The following ANK3 variants were observed in gnomAD, a reference collection of about 807,000 sequenced individuals.
ANK3 encodes the protein ankyrin-3.
In ANK3, 57 loss-of-function variants were observed where a neutral mutation model predicts 370.9. The ratio of observed to expected loss-of-function variants is 0.15; its 90% CI spans 0.12 to 0.19. The LOEUF (loss-of-function observed/expected upper bound fraction) is 0.19. ANK3 is among the 10% of genes least tolerant of loss of function. The pLI is 1.00. For missense variants in ANK3, 4,439 were observed against 5,302.1 expected, an observed-to-expected ratio of 0.84 and a Z score of 5.06; for synonymous variants, 1,929 against 1,946.3, an observed-to-expected ratio of 0.99 and a Z score of 0.23.
intron 36 of ANK3, among the ~76,000 whole-genome samples, chr10:60,079,035 T>TGA (rs2084478519): frequency 6.6e-6 from 1 of 152,144 alleles, no homozygotes; most frequent in Non-Finnish European, 1.5e-5. Flanking sequence ...GCTGGTCCAT[T>TGA]GAGCCTGTCC....
At chr10:60,727,070 G>C (rs1372239932) in intron 1 of ANK3, among the ~76,000 whole-genome samples, 2 of 152,022 alleles carry the variant, frequency 1.3e-5, no homozygotes, top group Non-Finnish European at 2.9e-5. Context: ...TTTTCTTACA[G>C]AGTTAAGTAC....
At chr10:60,532,472 T>G (rs1040104838) in intron 2 of ANK3, among the ~76,000 whole-genome samples, 5 of 150,136 alleles carry the variant, frequency 3.3e-5, no homozygotes, top group African/African-American at 1.2e-4. Flanking sequence ...AGTCCCAGGA[T>G]CAAGTTCACA....
At position 60,138,974 on chromosome 10, in the gene ANK3, G is replaced by A. The variant is rs746291751; in HGVS notation, c.2728C>T (p.Arg910Cys). The A allele has an allele frequency of 4.3e-6, 7 of 1,613,608 alleles. No individual in the cohort carries two copies. The highest frequency in any genetic ancestry group is 3.3e-5 in the South Asian group (3 of 91,048). Residue 910 changes from arginine to cysteine, a missense_variant, in exon 24 of 44, where the codon CGT becomes TGT. Coordinates refer to ENST00000280772, the MANE Select transcript of ANK3 (RefSeq NM_020987.5). Reference sequence around the variant, plus strand: ...GCAACAACGAAGTACCTGGCAGAACGCGCTCCGAGACTAAAGCCCATGTAA... The same window carrying A: ...GCAACAACGAAGTACCTGGCAGAACACGCTCCGAGACTAAAGCCCATGTAA... The part of the protein sequence containing the change: ...EGYMGFSLGA[R>C]SASLRSFSSD...
chr10:60,212,561 AC>A (rs1324344258), intron 9 of ANK3, among the ~76,000 whole-genome samples: 1 of 152,150 alleles, frequency 6.6e-6, no homozygotes, highest in Admixed American at 6.6e-5. Context: ...GTTAGACAAT[AC>A]CCTCAACAGC....
chr10:60,415,544 C>T (rs559436238), intron 2 of ANK3, among the ~76,000 whole-genome samples: 5 of 152,186 alleles, frequency 3.3e-5, no homozygotes, highest in African/African-American at 9.6e-5. Flanking sequence ...CACAAAACCT[C>T]GATGTTCCCA....
chr10:60,572,548 G>A (rs2077625149), intron 2 of ANK3: 1 of 1,534,052 alleles, frequency 6.5e-7, no homozygotes, highest in Non-Finnish European at 8.7e-7. Flanking sequence ...AATCAGGTGA[G>A]TTTATAAAAG....
chr10:60,033,575 C>T (rs2131838472), intron 43 of ANK3, among the ~76,000 whole-genome samples: 1 of 149,152 alleles, frequency 6.7e-6, no homozygotes, highest in South Asian at 2.1e-4. Flanking sequence ...TTCATGGCAG[C>T]TGATACTTTA....
At chr10:60,664,960 T>G (rs189594874) in intron 1 of ANK3, among the ~76,000 whole-genome samples, 1 of 152,320 alleles carries the variant, frequency 6.6e-6, no homozygotes, top group African/African-American at 2.4e-5. Flanking sequence ...TAGAATCAAT[T>G]ATAAATTTTT....
intron 23 of ANK3, among the ~76,000 whole-genome samples, chr10:60,143,456 T>A (rs1190091291): frequency 6.6e-6 from 1 of 152,198 alleles, no homozygotes; most frequent in South Asian, 2.1e-4. Flanking sequence ...CCAAGGTAAT[T>A]TATTAACAGA....
chr10:60,328,423 A>G (rs771201075), intron 1 of ANK3, among the ~76,000 whole-genome samples: 12 of 152,218 alleles, frequency 7.9e-5, no homozygotes, highest in Non-Finnish European at 1.6e-4. Flanking sequence ...AATTGTAAGC[A>G]ATGCTCAATA....
intron 18 of ANK3, among the ~76,000 whole-genome samples, chr10:60,175,202 C>T (rs1047105411): frequency 2.0e-5 from 3 of 152,182 alleles, no homozygotes; most frequent in African/African-American, 7.2e-5. Flanking sequence ...CGCTGTGCTC[C>T]AGGACACTGG....
intron 2 of ANK3, among the ~76,000 whole-genome samples, chr10:60,471,637 T>G (rs2065222059): frequency 6.6e-6 from 1 of 152,126 alleles, no homozygotes; most frequent in Non-Finnish European, 1.5e-5. Flanking sequence ...AAACACTATA[T>G]ACCTTGTGAC....
chr10:60,043,073 C>A, intron 42 of ANK3: 1 of 1,112,698 alleles, frequency 9.0e-7, no homozygotes, highest in South Asian at 3.2e-5. Flanking sequence ...CACCACAGCT[C>A]ACAAGGCAGC....
At chr10:60,227,280 T>C (rs1036785782) in intron 8 of ANK3, among the ~76,000 whole-genome samples, 3 of 152,080 alleles carry the variant, frequency 2.0e-5, no homozygotes, top group Non-Finnish European at 2.9e-5. Flanking sequence ...CCTTCAGTGT[T>C]TCTGATGAGA....
chr10:60,386,599 T>C (rs1240629131), intron 1 of ANK3, among the ~76,000 whole-genome samples: 2 of 151,972 alleles, frequency 1.3e-5, no homozygotes, highest in Non-Finnish European at 1.5e-5. Flanking sequence ...ATAGACCATA[T>C]GTATAATTCA....
At chr10:60,109,188 A>AAGT (rs1173021053) in intron 26 of ANK3, 134 bp from the exon 27 acceptor site, 2 of 705,802 alleles carry the variant, frequency 2.8e-6, no homozygotes, top group African/African-American at 1.8e-5. Context: ...GATAAATCAG[A>AAGT]AGTCAATACA....
At chr10:60,575,648 G>T (rs1595307805) in intron 2 of ANK3, among the ~76,000 whole-genome samples, 1 of 152,008 alleles carries the variant, frequency 6.6e-6, no homozygotes, top group Non-Finnish European at 1.5e-5. Flanking sequence ...AAGAAACAAA[G>T]AATTACATCT....
chr10:60,527,045 C>A lies in ANK3; in HGVS notation c.96+88141G>T, dbSNP rs143133325. Among the ~76,000 whole-genome samples, 767 of 152,132 alleles carry A rather than the reference C, an allele frequency of 5.0e-3. 11 individuals are homozygous for A. The highest frequency in any genetic ancestry group is 0.018 in the African/African-American group (730 of 41,528). ...AAATATCCATGTCTTGCTTTTTTCACTTAAATATATAGATATTGGAGACCA... is the reference window on the plus strand; with the variant it reads ...AAATATCCATGTCTTGCTTTTTTCAATTAAATATATAGATATTGGAGACCA... On this transcript the variant is annotated intron_variant, in intron 2 of 43. Coordinates refer to the ANK3 transcript ENST00000373827.
chr10:60,646,263 G>A (rs879846754), intron 1 of ANK3, among the ~76,000 whole-genome samples: 1 of 152,206 alleles, frequency 6.6e-6, no homozygotes, highest in African/African-American at 2.4e-5. Context: ...ATACAGTACG[G>A]TGTTAAGGAC....
Sources: allele counts gnomAD v4.1 joint callset (sites outside exome capture counted in the v4.1 genomes callset), GRCh38; gene constraint gnomAD v4.1.1; transcripts MANE v1.5; gene names NCBI Gene and HGNC (gene_info 2026-07-23, HGNC 2026-07-21).